The following NAA15 variants were observed in gnomAD, a reference collection of about 807,000 sequenced individuals.
The protein encoded by NAA15 is N-terminal acetyltransferase.
Under a neutral mutation model 114.0 loss-of-function variants are expected in NAA15, and 34 were observed. That is an observed-to-expected ratio of 0.30 (90% confidence interval 0.23 to 0.40). NAA15 has a LOEUF of 0.40. Ranked by LOEUF, NAA15 falls within the 10% of genes least tolerant of loss-of-function variation. The probability of loss-of-function intolerance (pLI) is 1.00; values close to 1 mark genes in which losing one functional copy is unlikely to be tolerated. For missense variants in NAA15, 658 were observed against 1,004.5 expected, an observed-to-expected ratio of 0.66 and a Z score of 4.66; for synonymous variants, 340 against 338.0, an observed-to-expected ratio of 1.01 and a Z score of -0.06.
chr4:139,385,422 G>T (rs1748886556), intron 18 of NAA15, among the ~76,000 whole-genome samples: 1 of 150,970 alleles, frequency 6.6e-6, no homozygotes, highest in Non-Finnish European at 1.5e-5. Context: ...AGAAGCAGGT[G>T]TAACTAAACT....
intron 3 of NAA15, among the ~76,000 whole-genome samples, chr4:139,337,609 G>T (rs951784802): frequency 1.3e-5 from 2 of 152,174 alleles, no homozygotes; most frequent in Admixed American, 1.3e-4. Context: ...AATGTCTGAG[G>T]GAGGATAGAG....
Position 139,364,915 on chromosome 4 carries a change from C to T in NAA15, c.1753+2978C>T, listed in dbSNP as rs367719101. ...TTCTTTCAATATTTATACCTTTCCC[C>T]CTTATGTCTTCTGGTATGGTTAGAG... is the stretch of plus-strand genomic sequence containing the variant. On this transcript the variant is annotated intron_variant, in intron 14 of 19. Transcript: ENST00000296543. 5.9e-5 allele frequency among the ~76,000 whole-genome samples: 9 copies of T among 152,030 alleles called. No individual in the cohort carries two copies. The East Asian group carries it at 7.7e-4, about 13-fold the overall frequency.
chr4:139,382,976 T>C (rs1748794420), intron 17 of NAA15, among the ~76,000 whole-genome samples: 1 of 152,128 alleles, frequency 6.6e-6, no homozygotes, highest in African/African-American at 2.4e-5. Flanking sequence ...AAAATAAAAA[T>C]AGAATAGTGT....
chr4:139,384,982 A>T lies in NAA15; in HGVS notation c.2302+4A>T. The T allele has an allele frequency of 6.6e-7, 1 of 1,514,628 alleles. No homozygotes were observed. The highest frequency in any genetic ancestry group is 1.4e-5 in the South Asian group (1 of 72,328). The allele number at this position is 1,514,628 out of a possible 1,614,324, so 93.8% of individuals were successfully genotyped here. On this transcript the variant is annotated splice_donor_region_variant and intron_variant, in intron 18 of 19. Transcript: ENST00000296543. ...TCATTGCCACACAGATTATCAGGTA[A>T]TCACTTTATTTTATCCTTAGCCTTC...
At chr4:139,323,163 TCTCCTGCCTCAGC>T (rs1389700279) in intron 1 of NAA15, among the ~76,000 whole-genome samples, 1 of 151,602 alleles carries the variant, frequency 6.6e-6, no homozygotes, top group East Asian at 1.9e-4. Context: ...TTCAAGCGAT[TCTCCTGCCTCAGC>T]CTCCTGAGGA....
chr4:139,373,016 A>G (rs1748485931), intron 15 of NAA15, among the ~76,000 whole-genome samples: 1 of 152,104 alleles, frequency 6.6e-6, no homozygotes. Flanking sequence ...CCTCCAGAGT[A>G]GCTGGCACTA....
intron 17 of NAA15, among the ~76,000 whole-genome samples, chr4:139,382,856 A>G (rs1748791294): frequency 6.6e-6 from 1 of 152,238 alleles, no homozygotes; most frequent in Non-Finnish European, 1.5e-5. Flanking sequence ...ATAATTATGT[A>G]TAGAATATTT....
chr4:139,328,002 T>C (rs1480374001), intron 1 of NAA15, among the ~76,000 whole-genome samples: 1 of 152,170 alleles, frequency 6.6e-6, no homozygotes, highest in Non-Finnish European at 1.5e-5. Flanking sequence ...TTTTTAGATG[T>C]TTTTTATTAT....
intron 1 of NAA15, among the ~76,000 whole-genome samples, chr4:139,309,426 A>AGTGTGTGTGT (rs70943412): frequency 1.7e-4 from 25 of 143,668 alleles, no homozygotes; most frequent in African/African-American, 5.8e-4. Flanking sequence ...TTGCTTTTTA[A>AGTGTGTGTGT]GTGTGTGTGT....
At chr4:139,357,333 G>A in intron 10 of NAA15, 53 bp from the exon 11 acceptor site, 3 of 1,525,374 alleles carry the variant, frequency 2.0e-6, no homozygotes, top group Non-Finnish European at 2.7e-6. Context: ...TTTGGGGGGT[G>A]CTCTTAATAT....
intron 1 of NAA15, chr4:139,318,354 C>T (rs913419851): frequency 6.6e-6 from 1 of 151,602 alleles, no homozygotes; most frequent in Non-Finnish European, 1.5e-5. Flanking sequence ...TTTTTTGAAA[C>T]CCTATTAGTT....
intron 1 of NAA15, chr4:139,318,272 G>T (rs1024357468): frequency 6.6e-6 from 1 of 151,706 alleles, no homozygotes; most frequent in Non-Finnish European, 1.5e-5. Flanking sequence ...AAATACTAAC[G>T]CCAAAATTTT....
intron 18 of NAA15, 69 bp downstream of exon 18, chr4:139,385,047 T>C: frequency 1.6e-6 from 2 of 1,272,758 alleles, no homozygotes; most frequent in Non-Finnish European, 2.1e-6. Flanking sequence ...AACAATAATA[T>C]AAGGTACATG....
chr4:139,319,507 C>T (rs1039373794), intron 1 of NAA15, among the ~76,000 whole-genome samples: 26 of 152,152 alleles, frequency 1.7e-4, no homozygotes, highest in African/African-American at 6.3e-4. Flanking sequence ...ATGGTCATGG[C>T]TCACTGTAGC....
chr4:139,313,931 G>C (rs139561843), intron 1 of NAA15, among the ~76,000 whole-genome samples: 4 of 151,716 alleles, frequency 2.6e-5, no homozygotes, highest in African/African-American at 9.7e-5. Context: ...GCAAAATCAC[G>C]CAATAAAAAC....
intron 3 of NAA15, among the ~76,000 whole-genome samples, chr4:139,337,201 A>G (rs916995572): frequency 1.3e-5 from 2 of 152,182 alleles, no homozygotes; most frequent in African/African-American, 4.8e-5. Flanking sequence ...TCTCACTCTT[A>G]AAAAGGGGGC....
At chr4:139,349,855 T>C (rs1367132674) in intron 7 of NAA15, among the ~76,000 whole-genome samples, 1 of 152,004 alleles carries the variant, frequency 6.6e-6, no homozygotes, top group Admixed American at 6.6e-5. Context: ...CATGGTGATG[T>C]GTGCCTTGTA....
At chr4:139,375,318 T>C (rs893236595) in intron 15 of NAA15, among the ~76,000 whole-genome samples, 1 of 152,196 alleles carries the variant, frequency 6.6e-6, no homozygotes, top group Non-Finnish European at 1.5e-5. Context: ...GTTTAGAACA[T>C]GTATCCTTCA....
At chr4:139,314,302 T>C (rs1746310618) in intron 1 of NAA15, among the ~76,000 whole-genome samples, 1 of 151,896 alleles carries the variant, frequency 6.6e-6, no homozygotes, top group African/African-American at 2.4e-5. Flanking sequence ...TGGGTGCTGC[T>C]GTGCATGCCT....
Sources: gnomAD v4.1 joint callset for allele counts (sites outside exome capture counted in the v4.1 genomes callset) on GRCh38, gnomAD v4.1.1 for gene constraint, MANE v1.5 for transcripts, NCBI Gene and HGNC (gene_info 2026-07-23, HGNC 2026-07-21) for gene names.